SMARCA2: variants seen among roughly 807,000 people sequenced by gnomAD.
The protein encoded by SMARCA2 is SWI/SNF-related matrix-associated actin-dependent regulator of chromatin subfamily A member 2.
A neutral mutation model predicts 199.8 loss-of-function variants in SMARCA2; 61 were observed. The ratio of observed to expected loss-of-function variants is 0.31; its 90% CI spans 0.25 to 0.38. The LOEUF is 0.38. SMARCA2 is among the 10% of genes least tolerant of loss of function. The pLI is 1.00. For missense variants in SMARCA2, 1,344 were observed against 2,012.2 expected (o/e 0.67, Z 6.35); for synonymous variants, 935 against 732.0 (o/e 1.28, Z -4.48).
chr9:2,153,067 C>T (rs1037261622), intron 27 of SMARCA2, among the ~76,000 whole-genome samples: 6 of 149,330 alleles, frequency 4.0e-5, no homozygotes, highest in African/African-American at 1.5e-4. Flanking sequence ...AACAAACAAC[C>T]AAAAAAACAA....
At chr9:2,101,533 T>C (rs778434407) in intron 21 of SMARCA2, 37 bp from the exon 22 acceptor site, 3 of 1,171,078 alleles carry the variant, frequency 2.6e-6, no homozygotes, top group Non-Finnish European at 2.5e-6. Flanking sequence ...ATAATTACAT[T>C]TTTTAAAATC....
chr9:2,068,342 A>T (rs1366120233), intron 9 of SMARCA2, among the ~76,000 whole-genome samples: 3 of 152,066 alleles, frequency 2.0e-5, no homozygotes, highest in Admixed American at 6.5e-5. Context: ...AACCAAAGGG[A>T]GCATTTTATT....
At chr9:2,150,622 A>G (rs766286511) in intron 27 of SMARCA2, among the ~76,000 whole-genome samples, 5 of 151,642 alleles carry the variant, frequency 3.3e-5, no homozygotes, top group Admixed American at 6.6e-5. Flanking sequence ...CCATATGTAC[A>G]CATTCCCATC....
chr9:2,163,536 C>G (rs566131471), intron 28 of SMARCA2, among the ~76,000 whole-genome samples: 51 of 152,324 alleles, frequency 3.3e-4, no homozygotes, highest in African/African-American at 1.2e-3. Context: ...GGACAGTATT[C>G]TAGAAGCCAG....
intron 10 of SMARCA2, 88 bp downstream of exon 10, chr9:2,070,559 A>T (rs1414967613): frequency 3.3e-6 from 3 of 899,048 alleles, no homozygotes; most frequent in Non-Finnish European, 5.4e-6. Context: ...ATACTATTTT[A>T]TTCTTACTGT....
chr9:2,122,446 C>A (rs931592308), intron 26 of SMARCA2, among the ~76,000 whole-genome samples: 5 of 152,114 alleles, frequency 3.3e-5, no homozygotes, highest in African/African-American at 4.8e-5. Flanking sequence ...TTGGTGGATC[C>A]ATTTCTCATA....
chr9:2,018,658 C>G (rs1999979), intron 1 of SMARCA2, among the ~76,000 whole-genome samples: 1 of 152,188 alleles, frequency 6.6e-6, no homozygotes, highest in Non-Finnish European at 1.5e-5. Context: ...GAACAGAATG[C>G]TTGCATAAAT....
intron 32 of SMARCA2, among the ~76,000 whole-genome samples, chr9:2,191,040 T>C (rs1827844552): frequency 6.6e-6 from 1 of 152,196 alleles, no homozygotes; most frequent in African/African-American, 2.4e-5. Context: ...GTCCCTCTTG[T>C]TGCCTGTTTA....
At chr9:2,185,033 C>G in intron 31 of SMARCA2, among the ~76,000 whole-genome samples, 2 of 152,162 alleles carry the variant, frequency 1.3e-5, no homozygotes, top group Middle Eastern at 6.8e-3. Context: ...TTTTAAAACA[C>G]TGTGATTAAG....
chr9:2,176,186 T>G (rs1480576610), intron 29 of SMARCA2, among the ~76,000 whole-genome samples: 1 of 129,264 alleles, frequency 7.7e-6, no homozygotes, highest in African/African-American at 4.0e-5. Flanking sequence ...CGGCCTGTTT[T>G]TTTTTTTTTT....
Position 2,058,432 on chromosome 9 carries a change from C to A in SMARCA2, c.1489C>A (p.Arg497=), listed in dbSNP as rs1820447187. ...TEREQKKETE[R]IEKERMRRLM... Reference sequence around the variant, plus strand: ...AAGAGAGCAGAAGAAGGAGACAGAGCGGATTGAAAAGGAGAGAATGCGGCG... The same window carrying A: ...AAGAGAGCAGAAGAAGGAGACAGAGAGGATTGAAAAGGAGAGAATGCGGCG... Residue 497 remains arginine, a synonymous_variant, in exon 8 of 34, where the codon CGG becomes AGG. Coordinates refer to ENST00000349721, the MANE Select transcript of SMARCA2 (RefSeq NM_003070.5). 3 of 1,613,894 alleles carry A rather than the reference C, an allele frequency of 1.9e-6. No homozygotes were observed. The highest frequency in any genetic ancestry group is 2.7e-5 in the African/African-American group (2 of 74,868).
intron 29 of SMARCA2, among the ~76,000 whole-genome samples, chr9:2,179,743 A>G (rs1826880114): frequency 6.6e-6 from 1 of 152,208 alleles, no homozygotes; most frequent in Non-Finnish European, 1.5e-5. Context: ...CAATAGAAAC[A>G]TGACACCATC....
chr9:2,027,880 A>G (rs1818900968), intron 1 of SMARCA2: 1 of 152,228 alleles, frequency 6.6e-6, no homozygotes, highest in African/African-American at 2.4e-5. Flanking sequence ...CATAATATAG[A>G]ACAATTACTG....
intron 21 of SMARCA2, among the ~76,000 whole-genome samples, chr9:2,097,841 C>T (rs1822337620): frequency 6.6e-6 from 1 of 152,090 alleles, no homozygotes; most frequent in Non-Finnish European, 1.5e-5. Flanking sequence ...CAAAAGAATG[C>T]CGTGAAAAAT....
chr9:2,045,213 G>C (rs556537935), intron 4 of SMARCA2: 1 of 152,330 alleles, frequency 6.6e-6, no homozygotes, highest in Admixed American at 6.5e-5. Flanking sequence ...TTATCAGTAA[G>C]ACCTAAAGAT....
chr9:2,181,781 G>C, intron 30 of SMARCA2, 105 bp downstream of exon 30: 1 of 683,644 alleles, frequency 1.5e-6, no homozygotes, highest in South Asian at 1.7e-5. Flanking sequence ...TGGGTACCCA[G>C]GGCTCGCGAC....
At position 2,032,954 on chromosome 9, in the gene SMARCA2, C is replaced by T. The variant is rs769108800; in HGVS notation, c.228C>T (p.Pro76=). The change falls in exon 3 of 34, where the codon CCC becomes CCT. Residue 76 remains proline (P), a splice_region_variant and synonymous_variant. Transcript: ENST00000349721. ...CTAATGTCCTTTAAATGTTTCAGCC[C>T]ATCGATGGTATACATGACAAGGGGA... The part of the protein sequence containing the change: ...PQEGMHQMHK[P]IDGIHDKGIV... The T allele has an allele frequency of 2.7e-5, 44 of 1,613,374 alleles. No individual in the cohort carries two copies. Among genetic ancestry groups the T allele is most frequent in the Non-Finnish European group, 3.7e-5 (44 of 1,179,620 alleles).
intron 27 of SMARCA2, among the ~76,000 whole-genome samples, chr9:2,139,119 C>G (rs752215888): frequency 1.3e-5 from 2 of 152,114 alleles, no homozygotes; most frequent in Non-Finnish European, 2.9e-5. Flanking sequence ...AAAGGGAGCA[C>G]CTGCTTGCCA....
At chr9:2,190,989 C>T (rs1405483190) in intron 32 of SMARCA2, among the ~76,000 whole-genome samples, 1 of 152,110 alleles carries the variant, frequency 6.6e-6, no homozygotes, top group African/African-American at 2.4e-5. Context: ...CATTGGGAGA[C>T]AGGTGAAGGA....
Sources: gnomAD v4.1 joint callset for allele counts (sites outside exome capture counted in the v4.1 genomes callset) on GRCh38, gnomAD v4.1.1 for gene constraint, MANE v1.5 for transcripts, NCBI Gene and HGNC (gene_info 2026-07-23, HGNC 2026-07-21) for gene names.